KHDRBS3: variants seen among roughly 807,000 people sequenced by gnomAD.
KHDRBS3 encodes KH RNA binding domain containing, signal transduction associated 3.
Under a neutral mutation model 45.6 loss-of-function variants are expected in KHDRBS3, and 23 were observed. The ratio of observed to expected loss-of-function variants is 0.50; its 90% CI spans 0.36 to 0.72. The LOEUF is 0.72. KHDRBS3 is among the 30% of genes least tolerant of loss of function. The pLI is 0.00. For missense variants in KHDRBS3, 352 were observed against 424.8 expected (o/e 0.83, Z 1.51); for synonymous variants, 162 against 156.5 (o/e 1.04, Z -0.26).
chr8:135,594,428 A>G (rs1828883588), intron 6 of KHDRBS3, among the ~76,000 whole-genome samples: 1 of 152,190 alleles, frequency 6.6e-6, no homozygotes, highest in South Asian at 2.1e-4. Context: ...TTGCTATGTG[A>G]CCTTACTCAA....
intron 6 of KHDRBS3, among the ~76,000 whole-genome samples, chr8:135,606,591 A>T (rs1829473697): frequency 6.6e-6 from 1 of 151,998 alleles, no homozygotes; most frequent in African/African-American, 2.4e-5. Context: ...GTTCCTTCAG[A>T]GCTGGGGAGT....
intron 6 of KHDRBS3, among the ~76,000 whole-genome samples, chr8:135,602,032 C>G (rs1829239015): frequency 6.6e-6 from 1 of 152,186 alleles, no homozygotes; most frequent in African/African-American, 2.4e-5. Flanking sequence ...TTTGGAGGCT[C>G]TTACTCAGCT....
chr8:135,655,627 T>C (rs1025413341), intron 4 of KHDRBS3, among the ~76,000 whole-genome samples: 2 of 152,204 alleles, frequency 1.3e-5, no homozygotes, highest in African/African-American at 4.8e-5. Flanking sequence ...TGAGCACACT[T>C]TGTGGTATCA....
At chr8:135,569,350 A>G (rs1473955023) in intron 5 of KHDRBS3, among the ~76,000 whole-genome samples, 2 of 152,336 alleles carry the variant, frequency 1.3e-5, no homozygotes, top group Non-Finnish European at 1.5e-5. Flanking sequence ...ACATACATAG[A>G]AAAACTAGTG....
intron 5 of KHDRBS3, among the ~76,000 whole-genome samples, chr8:135,560,840 TA>T: frequency 6.6e-6 from 1 of 152,350 alleles, no homozygotes; most frequent in Non-Finnish European, 1.5e-5. Flanking sequence ...GTGCCAGAGT[TA>T]AATACCTTTA....
intron 6 of KHDRBS3, among the ~76,000 whole-genome samples, chr8:135,589,832 A>G (rs1040671655): frequency 6.6e-6 from 1 of 152,230 alleles, no homozygotes; most frequent in East Asian, 1.9e-4. Flanking sequence ...GTCAACGCCA[A>G]CTAATTCTGT....
chr8:135,504,395 C>T (rs16905383), intron 1 of KHDRBS3, among the ~76,000 whole-genome samples: 14,414 of 152,164 alleles, frequency 0.095, 757 homozygotes, highest in East Asian at 0.18. Flanking sequence ...TTTTATGCCT[C>T]CTGTTTTGGC....
intron 1 of KHDRBS3, among the ~76,000 whole-genome samples, chr8:135,503,441 A>G (rs1823835816): frequency 6.6e-6 from 1 of 152,154 alleles, no homozygotes; most frequent in African/African-American, 2.4e-5. Context: ...AGTTCCCTGT[A>G]ATGACCCTTG....
chr8:135,534,511 G>A (rs535718607), intron 2 of KHDRBS3, among the ~76,000 whole-genome samples: 13 of 152,250 alleles, frequency 8.5e-5, no homozygotes, highest in East Asian at 3.9e-4. Flanking sequence ...CAGGGTTTCC[G>A]CGCTCAGAGA....
intron 1 of KHDRBS3, among the ~76,000 whole-genome samples, chr8:135,512,776 T>A (rs1295711470): frequency 1.3e-5 from 2 of 152,324 alleles, no homozygotes; most frequent in Admixed American, 1.3e-4. Context: ...GAGCTTACCA[T>A]CTTGTTGTTG....
intron 1 of KHDRBS3, 64 bp from the exon 2 acceptor site, chr8:135,521,173 C>T: frequency 3.2e-6 from 3 of 950,292 alleles, no homozygotes; most frequent in Non-Finnish European, 5.1e-6. Flanking sequence ...ACAGAGCTAA[C>T]CAGAACACCC....
chr8:135,496,562 T>G (rs1394076870), intron 1 of KHDRBS3, among the ~76,000 whole-genome samples: 1 of 101,922 alleles, frequency 9.8e-6, no homozygotes, highest in African/African-American at 2.9e-5. Context: ...GTAATAGGGG[T>G]TTGAAAAAAA....
chr8:135,589,091 G>A (rs760484473), intron 6 of KHDRBS3, among the ~76,000 whole-genome samples: 1 of 151,984 alleles, frequency 6.6e-6, no homozygotes, highest in African/African-American at 2.4e-5. Flanking sequence ...TGCTATTTTT[G>A]TGCACTATTT....
intron 1 of KHDRBS3, among the ~76,000 whole-genome samples, chr8:135,470,335 C>G (rs189596894): frequency 5.3e-5 from 8 of 152,118 alleles, no homozygotes; most frequent in African/African-American, 1.9e-4. Flanking sequence ...GTGAGAAGTA[C>G]TAAAGTGTCT....
chr8:135,554,117 C>T (rs777019119), intron 4 of KHDRBS3, among the ~76,000 whole-genome samples: 3 of 152,118 alleles, frequency 2.0e-5, no homozygotes, highest in Non-Finnish European at 4.4e-5. Context: ...GTCTTAGCCT[C>T]AGAAGTGATT....
chr8:135,642,839 CT>C (rs1183715150), intron 7 of KHDRBS3, among the ~76,000 whole-genome samples: 1 of 150,412 alleles, frequency 6.6e-6, no homozygotes, highest in Non-Finnish European at 1.5e-5. Flanking sequence ...TGTCGCCAGG[CT>C]GGAGTGCAGT....
intron 7 of KHDRBS3, among the ~76,000 whole-genome samples, chr8:135,617,173 T>C (rs1367779055): frequency 6.6e-6 from 1 of 152,110 alleles, no homozygotes; most frequent in African/African-American, 2.4e-5. Flanking sequence ...ATAAATTTGC[T>C]GTAGTAGCCT....
intron 5 of KHDRBS3, among the ~76,000 whole-genome samples, chr8:135,566,703 T>G (rs1428905517): frequency 1.3e-5 from 2 of 151,388 alleles, no homozygotes; most frequent in African/African-American, 4.8e-5. Context: ...AAAAAAAAAG[T>G]TAAAAATTAA....
chr8:135,516,597 T>A (rs201992298), intron 1 of KHDRBS3, among the ~76,000 whole-genome samples: 1 of 152,000 alleles, frequency 6.6e-6, no homozygotes, highest in Non-Finnish European at 1.5e-5. Flanking sequence ...TGTGTGTGTG[T>A]GAGTAAACAG....
Sources: allele counts gnomAD v4.1 joint callset (sites outside exome capture counted in the v4.1 genomes callset), GRCh38; gene constraint gnomAD v4.1.1; transcripts MANE v1.5; gene names NCBI Gene and HGNC (gene_info 2026-07-23, HGNC 2026-07-21).